The following SH3GL1 variants were observed in gnomAD, a reference collection of about 807,000 sequenced individuals.
SH3GL1 encodes SH3 domain containing GRB2 like 1, endophilin A2.
Under a neutral mutation model 48.8 loss-of-function variants are expected in SH3GL1, and 21 were observed. That is an observed-to-expected ratio of 0.43 (90% CI 0.30 to 0.62). The LOEUF (loss-of-function observed/expected upper bound fraction) is 0.62. SH3GL1 is among the 20% of genes least tolerant of loss of function. The pLI, the probability that SH3GL1 is intolerant of heterozygous loss-of-function variation, is 0.11. For missense variants in SH3GL1, 454 were observed against 503.0 expected (o/e 0.90, Z 0.93); for synonymous variants, 282 against 217.5 (o/e 1.30, Z -2.61).
At position 4,362,706 on chromosome 19, in the gene SH3GL1, C is replaced by T. The variant is rs771679671; in HGVS notation, c.759G>A (p.Arg253=). The T allele has an allele frequency of 6.2e-7, 1 of 1,614,024 alleles. No individual in the cohort carries two copies. The highest frequency in any genetic ancestry group is 1.3e-5 in the African/African-American group (1 of 75,078). The change falls in exon 8 of 10, where the codon CGG becomes CGA. Residue 253 remains arginine (R), a synonymous_variant. Coordinates refer to ENST00000269886, the MANE Select transcript of SH3GL1 (RefSeq NM_003025.4). ...GCTCCCGGGGCTTGGGCTTATACTC[C>T]CGCTTAGGGCGTGAGGAAGCTTCCC... ...RMREASSRPK[R]EYKPKPREPF...
In SH3GL1 at chr19:4,361,804, C is replaced by T. The variant is rs773571556; in HGVS notation, c.911-8G>A. 1.6e-5 allele frequency: 25 copies of T among 1,598,062 alleles called. No homozygotes were observed. The highest frequency in any genetic ancestry group is 1.7e-4 in the Middle Eastern group (1 of 6,036). On this transcript the variant is annotated splice_polypyrimidine_tract_variant and splice_region_variant and intron_variant, in intron 9 of 9. Transcript: ENST00000269886. The stretch of plus-strand genomic sequence containing the variant: ...TCGGCTGGTCCAGGGGCGCTGGGGG[C>T]GGGAGCGGGCTGTGGGGCTGGGGCT...
intron 6 of SH3GL1, 58 bp from the exon 7 acceptor site, chr19:4,363,531 T>C (rs925204999): frequency 4.1e-5 from 63 of 1,541,504 alleles, no homozygotes; most frequent in African/African-American, 8.2e-5. Context: ...GTGCCTTCCC[T>C]GACTCCCGAG....
At chr19:4,364,916 A>ATATATATATAT in intron 4 of SH3GL1, among the ~76,000 whole-genome samples, 1 of 116,222 alleles carries the variant, frequency 8.6e-6, no homozygotes. Flanking sequence ...ATATATATAT[A>ATATATATATAT]TTTTTTTTTT....
rs375937996 is a variant in SH3GL1, at chr19:4,376,172, A to G, written c.46-9178T>C. Among the ~76,000 whole-genome samples, 42 of 152,294 alleles carry G rather than the reference A, an allele frequency of 2.8e-4. No individual in the cohort carries two copies. In the South Asian group the frequency reaches 5.4e-3, roughly 20 times the overall value. On this transcript the variant is annotated intron_variant, in intron 1 of 9. Transcript: ENST00000269886. This position sits in a 1 kb window ranked among gnomAD's most constrained non-coding sequence, Gnocchi z 4.3. ...GCCCGAAAGCCCAGAGCCCTTCCTG[A>G]GACACAGAAACCATCTTCACCATCT...
intron 1 of SH3GL1, among the ~76,000 whole-genome samples, chr19:4,385,894 A>G (rs1312507730): frequency 6.6e-6 from 1 of 152,232 alleles, no homozygotes; most frequent in East Asian, 1.9e-4. Context: ...GGGGTCCGAC[A>G]GCTCCAAGGC....
chr19:4,396,893 A>G (rs1262136186), intron 1 of SH3GL1, among the ~76,000 whole-genome samples: 1 of 152,176 alleles, frequency 6.6e-6, no homozygotes, highest in East Asian at 1.9e-4. Flanking sequence ...CAGGAAGATA[A>G]ATGTCCCCTA....
chr19:4,364,866 T>TTGGG (rs1972729722), intron 4 of SH3GL1, among the ~76,000 whole-genome samples: 1 of 97,168 alleles, frequency 1.0e-5, no homozygotes, highest in African/African-American at 5.3e-5. Context: ...ACCCGGCTAA[T>TTGGG]TGTGTGTGTG....
intron 1 of SH3GL1, among the ~76,000 whole-genome samples, chr19:4,379,691 C>A (rs1973081785): frequency 6.6e-6 from 1 of 152,074 alleles, no homozygotes; most frequent in African/African-American, 2.4e-5. Context: ...TGCACCTCTG[C>A]ACACCCACGC....
chr19:4,387,888 T>C (rs1973265798), intron 1 of SH3GL1, among the ~76,000 whole-genome samples: 1 of 151,874 alleles, frequency 6.6e-6, no homozygotes, highest in Non-Finnish European at 1.5e-5. Context: ...TGAGACAGAG[T>C]CTCGCTCTGT....
intron 1 of SH3GL1, among the ~76,000 whole-genome samples, chr19:4,390,891 G>T (rs972311582): frequency 6.6e-6 from 1 of 152,160 alleles, no homozygotes; most frequent in Non-Finnish European, 1.5e-5. Context: ...GGCTGCCTCC[G>T]AAATCCTACT....
intron 1 of SH3GL1, among the ~76,000 whole-genome samples, chr19:4,378,498 T>G (rs1453780893): frequency 6.6e-6 from 1 of 151,998 alleles, no homozygotes; most frequent in Non-Finnish European, 1.5e-5. Flanking sequence ...GCAGATCACC[T>G]GAGGTCAGGA....
chr19:4,369,003 T>C (rs1481276639), intron 1 of SH3GL1, among the ~76,000 whole-genome samples: 3 of 150,602 alleles, frequency 2.0e-5, no homozygotes, highest in East Asian at 3.9e-4. Context: ...ACCCGGGAGG[T>C]GGAGCTTGCA....
chr19:4,382,253 CTTTT>C (rs34085741), intron 1 of SH3GL1, among the ~76,000 whole-genome samples: 14 of 102,350 alleles, frequency 1.4e-4, no homozygotes, highest in Non-Finnish European at 1.3e-4. Flanking sequence ...GCTCCGCTTT[CTTTT>C]TTTTTTTTTT....
At chr19:4,377,764 C>A (rs575596440) in intron 1 of SH3GL1, among the ~76,000 whole-genome samples, 4 of 152,350 alleles carry the variant, frequency 2.6e-5, no homozygotes, top group African/African-American at 9.6e-5. Context: ...ACAGTGATGT[C>A]GGTGGTGGAA....
rs1973500505 is a variant in SH3GL1, at chr19:4,400,323, C to T, written c.45+1G>A. The stretch of plus-strand genomic sequence containing the variant: ...CGGCTCCCGCCTGGGCCTGCGCTCA[C>T]CTGGCTCGCCTTGTAGAACTGCTTC... On this transcript the variant is annotated splice_donor_variant, in intron 1 of 9. Coordinates refer to ENST00000269886, the MANE Select transcript of SH3GL1 (RefSeq NM_003025.4). LOFTEE classifies it high-confidence loss of function. This position sits in a 1 kb window ranked among gnomAD's most constrained non-coding sequence, Gnocchi z 4.1. The T allele has an allele frequency of 6.3e-7, 1 of 1,599,242 alleles. No homozygotes were observed.
intron 1 of SH3GL1, among the ~76,000 whole-genome samples, chr19:4,392,346 A>G (rs990035028): frequency 2.6e-5 from 4 of 152,096 alleles, no homozygotes; most frequent in African/African-American, 9.7e-5. Context: ...CAACATGATG[A>G]AACCCTGTGT....
chr19:4,386,040 G>C (rs1009297971), intron 1 of SH3GL1, among the ~76,000 whole-genome samples: 1 of 152,236 alleles, frequency 6.6e-6, no homozygotes. Flanking sequence ...GGCCTCAGGA[G>C]AGGATGAAGA....
At chr19:4,385,330 C>A (rs1973216301) in intron 1 of SH3GL1, among the ~76,000 whole-genome samples, 1 of 152,170 alleles carries the variant, frequency 6.6e-6, no homozygotes. Context: ...ATGATACAAC[C>A]TTCATGAGGT....
At position 4,400,299 on chromosome 19, in the gene SH3GL1, G is replaced by C; in HGVS notation, c.45+25C>G. The C allele has an allele frequency of 6.3e-7, 1 of 1,590,550 alleles. No individual in the cohort carries two copies. Among genetic ancestry groups the C allele is most frequent in the Non-Finnish European group, 8.5e-7 (1 of 1,172,206 alleles). On this transcript the variant is annotated intron_variant, in intron 1 of 9. Coordinates refer to ENST00000269886, the MANE Select transcript of SH3GL1 (RefSeq NM_003025.4). This position sits in a 1 kb window ranked among gnomAD's most constrained non-coding sequence, Gnocchi z 4.1. Reference sequence around the variant, plus strand: ...CCGGGCAGCCCGGGGCCCGGTACTCGGCTCCCGCCTGGGCCTGCGCTCACC... The same window carrying C: ...CCGGGCAGCCCGGGGCCCGGTACTCCGCTCCCGCCTGGGCCTGCGCTCACC...
Sources: gnomAD v4.1 joint callset for allele counts (sites outside exome capture counted in the v4.1 genomes callset) on GRCh38, gnomAD v4.1.1 for gene constraint, Gnocchi (gnomAD v3.1) non-coding constraint, MANE v1.5 for transcripts, NCBI Gene and HGNC (gene_info 2026-07-23, HGNC 2026-07-21) for gene names.